Variants in OXR1 observed in about 807,000 individuals in gnomAD.
OXR1 encodes oxidation resistance 1.
A neutral mutation model predicts 104.6 loss-of-function variants in OXR1; 41 were observed. That is an observed-to-expected ratio of 0.39 (90% CI 0.31 to 0.51). The LOEUF (loss-of-function observed/expected upper bound fraction) is 0.51. OXR1 is among the 20% of genes least tolerant of loss of function. The probability of loss-of-function intolerance (pLI) is 0.77; values close to 1 mark genes in which losing one functional copy is unlikely to be tolerated. For synonymous variants in OXR1, 348 were observed against 348.4 expected (o/e 1.00, Z 0.01); for missense variants, 955 against 1,031.9 (o/e 0.93, Z 1.02).
rs561469907 is a variant in OXR1, at chr8:106,584,003, G to A, written c.220+64864G>A. ...GGACACAGAAAAGAAAAATTGGAAG[G>A]AAAAGAAAATACTTGGGAAGAAAGA... On this transcript the variant is annotated intron_variant, in intron 3 of 16. Transcript: ENST00000517566. Among the ~76,000 whole-genome samples the A allele has an allele frequency of 7.0e-4, 107 of 152,066 alleles. No individual in the cohort carries two copies. The Middle Eastern group carries it at 0.014, about 19-fold the overall frequency.
At chr8:106,468,296 C>G (rs183010890) in intron 2 of OXR1, among the ~76,000 whole-genome samples, 31 of 151,730 alleles carry the variant, frequency 2.0e-4, no homozygotes, top group Admixed American at 5.9e-4. Context: ...ATGAAGAAAA[C>G]TAAACAATTT....
chr8:106,433,658 A>G (rs1362621593), intron 2 of OXR1, among the ~76,000 whole-genome samples: 1 of 152,150 alleles, frequency 6.6e-6, no homozygotes, highest in Non-Finnish European at 1.5e-5. Context: ...GATTTCTTTC[A>G]CTGTTATAAT....
chr8:106,384,413 T>C (rs1563748198), intron 2 of OXR1, among the ~76,000 whole-genome samples: 2 of 152,132 alleles, frequency 1.3e-5, no homozygotes, highest in Non-Finnish European at 2.9e-5. Flanking sequence ...CTGTGCTACA[T>C]CAAACATAAG....
At chr8:106,372,218 G>C (rs950508460) in intron 2 of OXR1, among the ~76,000 whole-genome samples, 1 of 152,102 alleles carries the variant, frequency 6.6e-6, no homozygotes, top group African/African-American at 2.4e-5. Flanking sequence ...TCCCTGGTTG[G>C]GTAGTGTGCT....
chr8:106,589,573 C>T (rs1308631363), intron 3 of OXR1, among the ~76,000 whole-genome samples: 1 of 152,022 alleles, frequency 6.6e-6, no homozygotes, highest in African/African-American at 2.4e-5. Flanking sequence ...AGGAATGTGC[C>T]GATTTCAGAC....
At chr8:106,726,695 A>AT (rs2131494527) in intron 11 of OXR1, among the ~76,000 whole-genome samples, 1 of 152,284 alleles carries the variant, frequency 6.6e-6, no homozygotes, top group East Asian at 1.9e-4. Context: ...CTCAAACCAG[A>AT]TTCTTTTATG....
rs747842318 is a variant in OXR1, at chr8:106,745,808, A to G, written c.2432A>G (p.Asp811Gly). Residue 811 changes from aspartate to glycine, a missense_variant, in exon 16 of 17, where the codon GAT becomes GGT. Physicochemically the swap from Asp to Gly is moderately conservative, Grantham distance 94. Around this residue, in one of 2 missense-constraint regions of OXR1, gnomAD observed 106 missense variants for 179.0 expected, o/e 0.59. Coordinates refer to ENST00000517566, the MANE Select transcript of OXR1 (RefSeq NM_001198533.2). Reference sequence around the variant, plus strand: ...ATATAGGTCTTTAAGTGGACAGGAGATAATATGTTTTTTATCAAAGGAGAC... The same window carrying G: ...ATATAGGTCTTTAAGTGGACAGGAGGTAATATGTTTTTTATCAAAGGAGAC... ...PEFEVFKWTG[D>G]NMFFIKGDMD... The G allele has an allele frequency of 7.0e-6, 11 of 1,569,122 alleles. No homozygotes were observed. In the South Asian group the frequency reaches 1.2e-4, roughly 18 times the overall value.
intron 3 of OXR1, among the ~76,000 whole-genome samples, chr8:106,561,853 C>T (rs1013619755): frequency 2.0e-5 from 3 of 152,152 alleles, no homozygotes; most frequent in South Asian, 2.1e-4. Context: ...AGTGGACATC[C>T]AGCAAACTCC....
intron 8 of OXR1, among the ~76,000 whole-genome samples, chr8:106,704,393 C>CTTTTTTTTTTTTTTTTTTTTTTTTTTT (rs71307084): frequency 1.7e-4 from 8 of 47,894 alleles, no homozygotes; most frequent in East Asian, 6.3e-4. Context: ...CTTTCTTCTT[C>CTTTTTTTTTTTTTTTTTTTTTTTTTTT]TTTTTTTTTT....
intron 3 of OXR1, among the ~76,000 whole-genome samples, chr8:106,546,700 A>T (rs1047652591): frequency 1.3e-5 from 2 of 152,090 alleles, no homozygotes; most frequent in African/African-American, 4.8e-5. Flanking sequence ...TACATAAGGT[A>T]AGGTGAACAT....
intron 1 of OXR1, among the ~76,000 whole-genome samples, chr8:106,281,149 A>G (rs1033556975): frequency 6.6e-6 from 1 of 152,182 alleles, no homozygotes; most frequent in African/African-American, 2.4e-5. Context: ...CAAGCCATAT[A>G]GAGCATAGTT....
At chr8:106,583,030 G>A (rs60954959) in intron 3 of OXR1, among the ~76,000 whole-genome samples, 18,721 of 152,126 alleles carry the variant, frequency 0.12, 1,211 homozygotes, top group Middle Eastern at 0.2. Flanking sequence ...TATTCCTATT[G>A]ATTAAGTTTT....
At chr8:106,400,660 A>G (rs201422645) in intron 2 of OXR1, among the ~76,000 whole-genome samples, 1 of 152,202 alleles carries the variant, frequency 6.6e-6, no homozygotes, top group Admixed American at 6.5e-5. Context: ...ATAACATCCA[A>G]TTTAGACTGG....
chr8:106,745,512 G>T lies in OXR1; in HGVS notation c.2413-277G>T, dbSNP rs1027114755. On this transcript the variant is annotated intron_variant, in intron 15 of 16. Transcript: ENST00000517566. ...TTTTCTATTAACCGTCCAACTCTTG[G>T]TGTCTGTAGAGTCAGGAGAAAGAAG... Among the ~76,000 whole-genome samples the T allele has an allele frequency of 2.0e-5, 3 of 152,012 alleles. No individual in the cohort carries two copies. The East Asian group carries it at 5.8e-4, about 29-fold the overall frequency.
chr8:106,444,339 G>A (rs1563526801), intron 2 of OXR1, among the ~76,000 whole-genome samples: 2 of 152,126 alleles, frequency 1.3e-5, no homozygotes, highest in Admixed American at 6.6e-5. Context: ...CCATTACTGG[G>A]TATATACCCA....
intron 1 of OXR1, among the ~76,000 whole-genome samples, chr8:106,340,134 C>T (rs1815179868): frequency 6.6e-6 from 1 of 151,612 alleles, no homozygotes; most frequent in Non-Finnish European, 1.5e-5. Flanking sequence ...ACCCTGAATC[C>T]TTTTAACCAT....
intron 3 of OXR1, among the ~76,000 whole-genome samples, chr8:106,548,938 A>C (rs1184966938): frequency 6.6e-6 from 1 of 152,212 alleles, no homozygotes; most frequent in Non-Finnish European, 1.5e-5. Context: ...CCAATCACAG[A>C]ATCTTTCCCT....
intron 2 of OXR1, among the ~76,000 whole-genome samples, chr8:106,514,680 A>T (rs1458634161): frequency 1.3e-5 from 2 of 152,140 alleles, no homozygotes; most frequent in Non-Finnish European, 2.9e-5. Context: ...ATCATTTGTT[A>T]TAATATCTAT....
chr8:106,361,112 T>A (rs989430212), intron 2 of OXR1, among the ~76,000 whole-genome samples: 1 of 152,190 alleles, frequency 6.6e-6, no homozygotes, highest in Admixed American at 6.6e-5. Context: ...AGAGAGAGAC[T>A]GCATGTCATG....
Sources: allele counts gnomAD v4.1 joint callset (sites outside exome capture counted in the v4.1 genomes callset), GRCh38; gene constraint gnomAD v4.1.1; regional missense constraint gnomAD v4.1.1; transcripts MANE v1.5; gene names NCBI Gene and HGNC (gene_info 2026-07-23, HGNC 2026-07-21).